Variants in PANK1 observed in about 807,000 individuals in gnomAD.
The protein encoded by PANK1 is pantothenate kinase 1, also known as pantothenic acid kinase 1.
Under a neutral mutation model 40.1 loss-of-function variants are expected in PANK1, and 18 were observed. That is an observed-to-expected ratio of 0.45 (90% CI 0.31 to 0.67). The LOEUF is 0.67. PANK1 is among the 30% of genes least tolerant of loss of function. The pLI, the probability that PANK1 is intolerant of heterozygous loss-of-function variation, is 0.06. For missense variants in PANK1, 457 were observed against 599.6 expected (o/e 0.76, Z 2.48); for synonymous variants, 242 against 237.7 (o/e 1.02, Z -0.17).
chr10:89,599,126 C>A, intron 3 of PANK1, 126 bp downstream of exon 3: 1 of 800,736 alleles, frequency 1.2e-6, no homozygotes, highest in Non-Finnish European at 2.0e-6. Flanking sequence ...TTGATAAATT[C>A]TTTTTGGTTG....
chr10:89,601,447 C>A (rs1335482128), intron 2 of PANK1, among the ~76,000 whole-genome samples: 2 of 151,768 alleles, frequency 1.3e-5, no homozygotes, highest in South Asian at 2.1e-4. Context: ...TGTCACTGCA[C>A]TCCAGCCTGG....
intron 1 of PANK1, among the ~76,000 whole-genome samples, chr10:89,637,596 G>A (rs1589821006): frequency 6.6e-6 from 1 of 152,154 alleles, no homozygotes; most frequent in Non-Finnish European, 1.5e-5. Flanking sequence ...ACCTGTATAG[G>A]GCACATACAA....
chr10:89,634,512 C>G lies in PANK1; in HGVS notation c.292+10088G>C, dbSNP rs112516610. 7.6e-3 allele frequency among the ~76,000 whole-genome samples: 1,150 copies of G among 152,232 alleles called. 10 individuals are homozygous for G. Among genetic ancestry groups the G allele is most frequent in the African/African-American group, 0.026 (1,100 of 41,528 alleles). On this transcript the variant is annotated intron_variant, in intron 1 of 6. Coordinates refer to ENST00000307534, the MANE Select transcript of PANK1 (RefSeq NM_148977.3). Reference sequence around the variant, plus strand: ...ATTCATCATCTGCCAAAGGAAGATTCCAGAGTCTTGCACATATTTGCAAGG... The same window carrying G: ...ATTCATCATCTGCCAAAGGAAGATTGCAGAGTCTTGCACATATTTGCAAGG...
In PANK1 at chr10:89,645,017, C is replaced by T; in HGVS notation, c.-126G>A. The T allele has an allele frequency of 6.4e-7, 1 of 1,567,030 alleles. No homozygotes were observed. The highest frequency in any genetic ancestry group is 8.6e-7 in the Non-Finnish European group (1 of 1,160,506). On this transcript the variant is annotated 5_prime_UTR_variant, in exon 1 of 7. Transcript: ENST00000307534. ...CGATTCAGCAGCCGCAGAGCCGGCG[C>T]CTGGGGATGGCGAACCCGGCGCTCC... is the stretch of plus-strand genomic sequence containing the variant.
At chr10:89,609,587 GATCT>G (rs1433432531) in intron 2 of PANK1, among the ~76,000 whole-genome samples, 2 of 152,202 alleles carry the variant, frequency 1.3e-5, no homozygotes, top group Admixed American at 1.3e-4. Flanking sequence ...TATAGGAAAA[GATCT>G]ATCTGTTTCA....
At chr10:89,636,262 C>T (rs1337706143) in intron 1 of PANK1, among the ~76,000 whole-genome samples, 3 of 152,188 alleles carry the variant, frequency 2.0e-5, no homozygotes, top group Admixed American at 1.3e-4. Flanking sequence ...CCTGGGCCAT[C>T]AGGCTGTCTA....
intron 3 of PANK1, among the ~76,000 whole-genome samples, chr10:89,594,739 AG>A (rs1206431685): frequency 2.0e-5 from 3 of 152,238 alleles, no homozygotes; most frequent in Non-Finnish European, 2.9e-5. Flanking sequence ...ACTTGTTTAG[AG>A]GGAAAGTTCC....
At chr10:89,594,753 T>C in intron 3 of PANK1, among the ~76,000 whole-genome samples, 1 of 152,172 alleles carries the variant, frequency 6.6e-6, no homozygotes, top group East Asian at 1.9e-4. Flanking sequence ...AAAGTTCCTC[T>C]AAAACAGCCT....
At chr10:89,588,615 C>G (rs1844275054) in intron 6 of PANK1, 37 bp downstream of exon 6, 1 of 1,513,382 alleles carries the variant, frequency 6.6e-7, no homozygotes. Flanking sequence ...AAAATATACT[C>G]CACATATGAC....
intron 1 of PANK1, among the ~76,000 whole-genome samples, chr10:89,634,929 G>T (rs1365344793): frequency 1.3e-5 from 2 of 152,054 alleles, no homozygotes; most frequent in Non-Finnish European, 2.9e-5. Flanking sequence ...AACATCAGAG[G>T]GTATTAGGGA....
intron 2 of PANK1, 84 bp downstream of exon 2, chr10:89,611,612 G>T (rs567851233): frequency 3.6e-4 from 349 of 968,698 alleles, no homozygotes; most frequent in Middle Eastern, 1.5e-3. Flanking sequence ...CCCAAGGCTA[G>T]TAGTATGGTT....
chr10:89,591,649 C>T (rs1228111072), intron 5 of PANK1, among the ~76,000 whole-genome samples: 1 of 152,176 alleles, frequency 6.6e-6, no homozygotes, highest in East Asian at 1.9e-4. Flanking sequence ...GCCTTGGCCC[C>T]AAGGCGACTG....
intron 2 of PANK1, among the ~76,000 whole-genome samples, chr10:89,606,872 G>C (rs908619485): frequency 6.6e-6 from 1 of 152,176 alleles, no homozygotes; most frequent in Non-Finnish European, 1.5e-5. Flanking sequence ...TCAGACTCTA[G>C]AGAATTGAAG....
rs1284254353 is a variant in PANK1, at chr10:89,645,057, C to G, written c.-166G>C. 5 of 1,561,100 alleles carry G rather than the reference C, an allele frequency of 3.2e-6. No homozygotes were observed. The highest frequency in any genetic ancestry group is 3.8e-5 in the Admixed American group (2 of 53,048). ...CCCGGCGCTCCTCCCCTCCTCCTGC[C>G]GACTCCCCCACCTCCTCTGCGCCCT... On this transcript the variant is annotated 5_prime_UTR_variant, in exon 1 of 7. Coordinates refer to ENST00000307534, the MANE Select transcript of PANK1 (RefSeq NM_148977.3).
Position 89,644,622 on chromosome 10 carries a change from G to A in PANK1, c.270C>T (p.Asp90=), listed in dbSNP as rs780533089. Residue 90 remains aspartate (D), a synonymous_variant, in exon 1 of 7, where the codon GAC becomes GAT. Transcript: ENST00000307534. ...TACGCGGCCTGTTCTTTCTCCCCGA[G>A]TCCATCCTCCTCCGCAGCCGGCATT... ...AKKCRLRRRM[D]SGRKNRPPFP... is the part of the protein sequence containing the mutation. 18 of 1,588,790 alleles carry A rather than the reference G, an allele frequency of 1.1e-5. No individual in the cohort carries two copies. In the Admixed American group the frequency reaches 3.0e-4, roughly 27 times the overall value.
chr10:89,619,520 G>T (rs1845417758), intron 1 of PANK1, among the ~76,000 whole-genome samples: 1 of 152,172 alleles, frequency 6.6e-6, no homozygotes, highest in Non-Finnish European at 1.5e-5. Flanking sequence ...ATAACCAGCT[G>T]CAGAGCCTTA....
Position 89,583,446 on chromosome 10 carries a change from AC to A in PANK1, c.*959del, listed in dbSNP as rs1222667789. The A allele has an allele frequency of 1.3e-5, 2 of 152,276 alleles. No homozygotes were observed. Among genetic ancestry groups the A allele is most frequent in the Admixed American group, 1.3e-4 (2 of 15,292 alleles). 9.4% of individuals were successfully genotyped at this position (152,276 alleles called of 1,614,324 possible). On this transcript the variant is annotated 3_prime_UTR_variant, in exon 7 of 7. Transcript: ENST00000307534. The stretch of plus-strand genomic sequence containing the variant: ...TATCTGACACCTCAACCCATGACTT[AC>A]CCTAAATCTCCTGATATGAACAATT...
intron 1 of PANK1, among the ~76,000 whole-genome samples, chr10:89,642,453 G>A (rs1841996136): frequency 1.3e-5 from 2 of 152,224 alleles, no homozygotes; most frequent in African/African-American, 4.8e-5. Flanking sequence ...CTAGCTTGAT[G>A]CTTCGCCACC....
intron 6 of PANK1, among the ~76,000 whole-genome samples, chr10:89,587,359 C>T (rs557490862): frequency 6.6e-6 from 1 of 152,142 alleles, no homozygotes; most frequent in South Asian, 2.1e-4. Context: ...TCTAGTTTAA[C>T]TATATACCAC....
Sources: allele counts gnomAD v4.1 joint callset (sites outside exome capture counted in the v4.1 genomes callset), GRCh38; gene constraint gnomAD v4.1.1; transcripts MANE v1.5; gene names NCBI Gene and HGNC (gene_info 2026-07-23, HGNC 2026-07-21).